The following ALG12 variants were observed in gnomAD, a reference collection of about 807,000 sequenced individuals.
ALG12 encodes the protein dol-P-Man:Man(7)GlcNAc(2)-PP-Dol alpha-1,6-mannosyltransferase.
ALG12 carries 36 observed loss-of-function variants against 46.0 expected under a neutral mutation model. The ratio of observed to expected loss-of-function variants is 0.78; its 90% confidence interval spans 0.60 to 1.03. The LOEUF (loss-of-function observed/expected upper bound fraction) is 1.03. ALG12 is among the 50% of genes least tolerant of loss of function. The pLI is 0.00. For missense variants in ALG12, 599 were observed against 633.5 expected (o/e 0.95, Z 0.58); for synonymous variants, 326 against 291.6 (o/e 1.12, Z -1.20).
the ALG12 span, chr22:49,883,957 A>G: frequency 2.2e-5 from 35 of 1,613,656 alleles, no homozygotes; most frequent in Non-Finnish European, 2.9e-5. Context: ...CGACGTGGCC[A>G]TGGAGGCCGT....
chr22:49,900,930 C>T lies in ALG12; in HGVS notation c.*2908G>A, dbSNP rs2060501820. On this transcript the variant is annotated 3_prime_UTR_variant, in exon 10 of 10. Transcript: ENST00000330817. ...CGTGTCTAGATCCCGGTCTCTAACGCTGTTCCCCACCAAAGGGAGCCAAGA... is the reference window on the plus strand; with the variant it reads ...CGTGTCTAGATCCCGGTCTCTAACGTTGTTCCCCACCAAAGGGAGCCAAGA... 1 of 152,318 alleles carries T rather than the reference C, an allele frequency of 6.6e-6. No homozygotes were observed. Among genetic ancestry groups the T allele is most frequent in the South Asian group, 2.1e-4 (1 of 4,834 alleles). 9.4% of individuals were successfully genotyped at this position (152,318 alleles called of 1,614,324 possible). A position where few individuals can be genotyped will look rare whatever the true frequency, so the allele number is the denominator to read the frequency against.
At chr22:49,868,455 T>C in the ALG12 span, among the ~76,000 whole-genome samples, 2 of 152,234 alleles carry the variant, frequency 1.3e-5, no homozygotes, top group Admixed American at 1.3e-4. Context: ...GGCACACACC[T>C]GTCATCCCAG....
At chr22:49,871,546 G>A in the ALG12 span, among the ~76,000 whole-genome samples, 2 of 151,994 alleles carry the variant, frequency 1.3e-5, no homozygotes, top group African/African-American at 2.4e-5. Flanking sequence ...ATAGCATGAC[G>A]TCTAAAACAA....
At chr22:49,886,700 A>G in the ALG12 span, 2 of 1,613,256 alleles carry the variant, frequency 1.2e-6, no homozygotes, top group Admixed American at 1.7e-5. The surrounding 1 kb of genome is among the most constrained non-coding windows in gnomAD (Gnocchi z 7.7). Context: ...CCTCGCTACA[A>G]GGCCTCCCTG....
chr22:49,879,648 TATTGGTTGG>T, the ALG12 span, among the ~76,000 whole-genome samples: 1 of 118,176 alleles, frequency 8.5e-6, no homozygotes, highest in Non-Finnish European at 1.9e-5. Flanking sequence ...GGCGTGTTTC[TATTGGTTGG>T]TTTTTCTCCT....
At chr22:49,885,233 C>A in the ALG12 span, 1 of 1,611,484 alleles carries the variant, frequency 6.2e-7, no homozygotes. Flanking sequence ...GCAAACTCTC[C>A]GTATGCCACT....
At chr22:49,876,058 A>G in the ALG12 span, among the ~76,000 whole-genome samples, 1 of 151,928 alleles carries the variant, frequency 6.6e-6, no homozygotes, top group Non-Finnish European at 1.5e-5. Flanking sequence ...CGTGTAATAT[A>G]AAAGTGTTAT....
the ALG12 span, among the ~76,000 whole-genome samples, chr22:49,890,327 A>G: frequency 1.3e-5 from 2 of 152,182 alleles, no homozygotes; most frequent in African/African-American, 4.8e-5. Context: ...CAACAATGAC[A>G]ACAACAAAAC....
At chr22:49,884,993 G>T in the ALG12 span, 9 of 1,613,610 alleles carry the variant, frequency 5.6e-6, no homozygotes, top group Non-Finnish European at 7.6e-6. Context: ...TTTGAATCTG[G>T]CGCCATCTTC....
chr22:49,877,262 T>TTTAA, the ALG12 span, among the ~76,000 whole-genome samples: 1 of 1,294 alleles, frequency 7.7e-4, no homozygotes, highest in African/African-American at 2.2e-3. Flanking sequence ...AGCTTTATTA[T>TTTAA]TTATTTATTT....
At chr22:49,894,451 T>C in the ALG12 span, among the ~76,000 whole-genome samples, 6 of 149,048 alleles carry the variant, frequency 4.0e-5, no homozygotes, top group East Asian at 9.6e-4. Context: ...GCTTCACATA[T>C]CGAGTCCAAG....
chr22:49,912,948 C>A (rs1406612750), intron 3 of ALG12, among the ~76,000 whole-genome samples: 4 of 151,942 alleles, frequency 2.6e-5, no homozygotes, highest in Admixed American at 1.3e-4. Flanking sequence ...CATGTGGGCA[C>A]AGAGAAAGAC....
Position 49,910,426 on chromosome 22 carries a change from C to G in ALG12, c.469+8G>C. The G allele has an allele frequency of 3.7e-6, 6 of 1,613,112 alleles. No homozygotes were observed. The highest frequency in any genetic ancestry group is 5.1e-6 in the Non-Finnish European group (6 of 1,179,806). On this transcript the variant is annotated splice_region_variant and intron_variant, in intron 4 of 9. Transcript: ENST00000330817. ...ATGGGTGTGCAGGCCCGGCCGGCAG[C>G]TACGTACCTACAGGCAGGGCCAGCA...
chr22:49,867,156 C>T, the ALG12 span, among the ~76,000 whole-genome samples: 18 of 152,336 alleles, frequency 1.2e-4, 1 homozygote, highest in South Asian at 3.7e-3. Context: ...GTTTGTTTTT[C>T]ACCCGTGAGT....
the ALG12 span, among the ~76,000 whole-genome samples, chr22:49,860,618 T>G: frequency 6.6e-6 from 1 of 150,918 alleles, no homozygotes; most frequent in Admixed American, 6.6e-5. Context: ...AAGAAAGAAA[T>G]AAGACAAATA....
chr22:49,869,635 C>A, the ALG12 span, among the ~76,000 whole-genome samples: 4 of 152,188 alleles, frequency 2.6e-5, no homozygotes, highest in Non-Finnish European at 4.4e-5. Context: ...AGCAGTGTAT[C>A]TCATTGGTTT....
At chr22:49,917,910 C>A (rs1021598394) in intron 1 of ALG12, among the ~76,000 whole-genome samples, 2 of 92,846 alleles carry the variant, frequency 2.2e-5, no homozygotes, top group South Asian at 4.4e-4. Flanking sequence ...AGATCCCCAG[C>A]CCCCAGGTGA....
At position 49,913,464 on chromosome 22, in the gene ALG12, C is replaced by A. The variant is rs528542616; in HGVS notation, c.216G>T (p.Val72=). 28 of 1,614,024 alleles carry A rather than the reference C, an allele frequency of 1.7e-5. 1 individual carries two copies. The South Asian group carries it at 3.1e-4, about 18-fold the overall frequency. The change falls in exon 3 of 10, where the codon GTG becomes GTT. Residue 72 remains valine, a synonymous_variant. Transcript: ENST00000330817. ...GVVPRTFLGP[V]VIAVFSSPAV... ...CGGGGCTGGAGAACACTGCGATCACCACTGGCCCGAGGAACGTCCTGGGGA... is the reference window on the plus strand; with the variant it reads ...CGGGGCTGGAGAACACTGCGATCACAACTGGCCCGAGGAACGTCCTGGGGA...
Position 49,913,618 on chromosome 22 carries a change from G to A in ALG12, c.148C>T (p.Gln50Ter). ...QATHDLLYHW[Q>*]DLEQYDHLEF... The stretch of plus-strand genomic sequence containing the variant: ...GGGCCCCTCACCTGCTCCAGGTCTT[G>A]CCAGTGGTAGAGCAGGTCATGTGTG... The change falls in exon 2 of 10, where the codon CAA (glutamine) becomes TAA (stop). Residue 50 changes from glutamine to a stop codon, truncating the protein, a stop_gained. Transcript: ENST00000330817. LOFTEE classifies it high-confidence loss of function. 1 of 1,614,128 alleles carries A rather than the reference G, an allele frequency of 6.2e-7. No individual in the cohort carries two copies. Among genetic ancestry groups the A allele is most frequent in the Non-Finnish European group, 8.5e-7 (1 of 1,180,044 alleles).
Sources: gnomAD v4.1 joint callset for allele counts (sites outside exome capture counted in the v4.1 genomes callset) on GRCh38, gnomAD v4.1.1 for gene constraint, Gnocchi (gnomAD v3.1) non-coding constraint, MANE v1.5 for transcripts, NCBI Gene and HGNC (gene_info 2026-07-23, HGNC 2026-07-21) for gene names.